LENG8: variants seen among roughly 807,000 people sequenced by gnomAD.
The protein encoded by LENG8 is leukocyte receptor cluster (LRC) member 8.
A neutral mutation model predicts 102.1 loss-of-function variants in LENG8; 28 were observed. The ratio of observed to expected loss-of-function variants is 0.27; its 90% CI spans 0.20 to 0.38. The LOEUF (loss-of-function observed/expected upper bound fraction) is 0.38, where lower values mean the gene tolerates loss of function less well. LENG8 is among the 10% of genes least tolerant of loss of function. The pLI, the probability that LENG8 is intolerant of heterozygous loss-of-function variation, is 1.00. For missense variants in LENG8, 1,022 were observed against 1,113.9 expected (o/e 0.92, Z 1.17); for synonymous variants, 531 against 456.7 (o/e 1.16, Z -2.07).
intron 15 of LENG8, 110 bp from the exon 16 acceptor site, chr19:54,460,656 G>A: frequency 6.9e-7 from 1 of 1,450,706 alleles, no homozygotes; most frequent in Non-Finnish European, 9.1e-7. Flanking sequence ...AGCAGGCACT[G>A]TGCTGAGGAA....
At chr19:54,457,656 T>A in intron 11 of LENG8, 91 bp from the exon 12 acceptor site, 1 of 936,428 alleles carries the variant, frequency 1.1e-6, no homozygotes, top group Middle Eastern at 2.4e-4. Flanking sequence ...TTTCTTTTTT[T>A]AATGTTGCAA....
chr19:54,461,157 G>A lies in LENG8; in HGVS notation c.*229G>A. On this transcript the variant is annotated 3_prime_UTR_variant, in exon 16 of 16. Coordinates refer to ENST00000326764, the MANE Select transcript of LENG8 (RefSeq NM_052925.4). ...GGGATTGGGGAGGAGGGGATGGGCAGCGGAGGGTTGGGGGCATGGTCTGCA... is the reference window on the plus strand; with the variant it reads ...GGGATTGGGGAGGAGGGGATGGGCAACGGAGGGTTGGGGGCATGGTCTGCA... The A allele has an allele frequency of 1.4e-6, 1 of 718,010 alleles. No homozygotes were observed. The highest frequency in any genetic ancestry group is 2.5e-6 in the Non-Finnish European group (1 of 403,616). The allele number at this position is 718,010 out of a possible 1,614,324, so 44.5% of individuals were successfully genotyped here.
rs1186047166 is a variant in LENG8 at position 54,459,503 on chromosome 19, C to T, written c.2240+982C>T. 10 of 984,326 alleles carry T rather than the reference C, an allele frequency of 1.0e-5. No homozygotes were observed. In the African/African-American group the frequency reaches 1.8e-4, roughly 18 times the overall value. 61.0% of individuals were successfully genotyped at this position (984,326 alleles called of 1,614,324 possible). A position where few individuals can be genotyped will look rare whatever the true frequency, so the allele number is the denominator to read the frequency against. ...TGAGGTCATGGTCACAGCATGGAGG[C>T]CTTGAGAGCCTGGCCAGGTGGCCCT... is the stretch of plus-strand genomic sequence containing the variant. On this transcript the variant is annotated intron_variant, in intron 15 of 15. Transcript: ENST00000326764.
At position 54,457,973 on chromosome 19, in the gene LENG8, G is replaced by A. The variant is rs2084338114; in HGVS notation, c.1873G>A (p.Glu625Lys). ...CACCGAGTTCACGGTGGAGGTGTAC[G>A]AGACCCATGCCCGGATCGCCTTGGA... The part of the protein sequence containing the change: ...IRTEFTVEVY[E>K]THARIALEKG... Residue 625 changes from glutamate (E) to lysine (K), a missense_variant, in exon 13 of 16, where the codon GAG becomes AAG. Transcript: ENST00000326764. 1.9e-6 allele frequency: 3 copies of A among 1,613,630 alleles called. No individual in the cohort carries two copies. Among genetic ancestry groups the A allele is most frequent in the African/African-American group, 1.3e-5 (1 of 74,930 alleles).
Position 54,456,261 on chromosome 19 carries a change from G to T in LENG8, c.1304+16G>T. The T allele has an allele frequency of 6.2e-7, 1 of 1,614,100 alleles. No individual in the cohort carries two copies. Among genetic ancestry groups the T allele is most frequent in the Non-Finnish European group, 8.5e-7 (1 of 1,179,986 alleles). On this transcript the variant is annotated intron_variant, in intron 9 of 15. Transcript: ENST00000326764. ...TCCGCAGAAGGTACTGAGGCTCCCGGCTGGGGCTGTGTGTGAGGGAGGGGG... is the reference window on the plus strand; with the variant it reads ...TCCGCAGAAGGTACTGAGGCTCCCGTCTGGGGCTGTGTGTGAGGGAGGGGG...
At chr19:54,459,015 G>A in intron 15 of LENG8, 1 of 1,436,750 alleles carries the variant, frequency 7.0e-7, no homozygotes. Context: ...GCCACACTGG[G>A]CGCGGTGCCA....
intron 15 of LENG8, chr19:54,460,563 G>C: frequency 3.5e-6 from 5 of 1,413,288 alleles, no homozygotes; most frequent in Non-Finnish European, 4.6e-6. Context: ...GGTGAGGGGG[G>C]CACAGGGGAC....
At chr19:54,454,378 T>C (rs2084107791) in intron 5 of LENG8, 52 bp from the exon 6 acceptor site, 1 of 1,533,032 alleles carries the variant, frequency 6.5e-7, no homozygotes, top group Admixed American at 2.0e-5. Context: ...TGAGTGCCAC[T>C]CGCCAGCCCC....
chr19:54,451,092 A>G (rs2083941076), intron 1 of LENG8, among the ~76,000 whole-genome samples, 198 bp from the exon 2 acceptor site: 1 of 152,016 alleles, frequency 6.6e-6, no homozygotes, highest in African/African-American at 2.4e-5. Context: ...GAGCTCTACA[A>G]AGGGGCCAGG....
In LENG8 at chr19:54,461,123, C is replaced by T. The variant is rs1569311230; in HGVS notation, c.*195C>T. ...TTTTCTACGTTTTTATTTTTTGCCT[C>T]AGAGGGATGGGATTGGGGAGGAGGG... On this transcript the variant is annotated 3_prime_UTR_variant, in exon 16 of 16. Coordinates refer to ENST00000326764, the MANE Select transcript of LENG8 (RefSeq NM_052925.4). 5.7e-6 allele frequency: 5 copies of T among 874,602 alleles called. No individual in the cohort carries two copies. Among genetic ancestry groups the T allele is most frequent in the Non-Finnish European group, 9.1e-6 (5 of 551,422 alleles). 54.2% of individuals were successfully genotyped at this position (874,602 alleles called of 1,614,324 possible).
rs1415656662 is a variant in LENG8 at position 54,461,741 on chromosome 19, CTT to C, written c.*816_*817del. ...ACCAGCTCACGTCATGTTGCCTTCT[CTT>C]TTCTTTGTGTGTGTGTTTATTTAAG... On this transcript the variant is annotated 3_prime_UTR_variant, in exon 16 of 16. Coordinates refer to ENST00000326764, the MANE Select transcript of LENG8 (RefSeq NM_052925.4). 1 of 522,018 alleles carries C rather than the reference CTT, an allele frequency of 1.9e-6. No homozygotes were observed. Among genetic ancestry groups the C allele is most frequent in the Non-Finnish European group, 3.8e-6 (1 of 261,314 alleles). The allele number at this position is 522,018 out of a possible 1,614,324, so 32.3% of individuals were successfully genotyped here.
intron 3 of LENG8, 61 bp from the exon 4 acceptor site, chr19:54,452,590 T>G: frequency 2.2e-6 from 3 of 1,367,078 alleles, no homozygotes; most frequent in Non-Finnish European, 3.1e-6. Context: ...GGCTTGCCCT[T>G]TGGGGGCCGT....
intron 6 of LENG8, 127 bp from the exon 7 acceptor site, chr19:54,454,824 A>T: frequency 7.0e-7 from 1 of 1,436,284 alleles, no homozygotes; most frequent in Non-Finnish European, 9.5e-7. Context: ...TGGACCAGGC[A>T]CATGTGTGCT....
In LENG8 at chr19:54,455,702, G is replaced by T. The variant is rs1357074603; in HGVS notation, c.1025+135G>T. On this transcript the variant is annotated intron_variant, in intron 8 of 15. Transcript: ENST00000326764. Reference sequence around the variant, plus strand: ...ATGAACTGGAAAGTTGGATCCTGGGGGGATGAAGTCCTGGTTGGAGGGAGG... The same window carrying T: ...ATGAACTGGAAAGTTGGATCCTGGGTGGATGAAGTCCTGGTTGGAGGGAGG... The T allele has an allele frequency of 7.5e-6, 7 of 932,696 alleles. No individual in the cohort carries two copies. The South Asian group carries it at 1.1e-4, about 15-fold the overall frequency. 57.8% of individuals were successfully genotyped at this position (932,696 alleles called of 1,614,324 possible).
intron 1 of LENG8, chr19:54,449,551 C>CGGGGCCCCGG (rs1555978939): frequency 6.6e-6 from 1 of 152,128 alleles, no homozygotes; most frequent in Non-Finnish European, 1.5e-5. Context: ...TTGGAGTTCT[C>CGGGGCCCCGG]GGGGCCCCGG....
intron 4 of LENG8, among the ~76,000 whole-genome samples, chr19:54,453,081 T>C (rs906612581): frequency 6.6e-6 from 1 of 152,320 alleles, no homozygotes; most frequent in African/African-American, 2.4e-5. Context: ...TGCCGCCTCT[T>C]GGAGGTCTCT....
At chr19:54,456,615 C>T (rs1228140461) in intron 10 of LENG8, 21 bp from the exon 11 acceptor site, 6 of 1,597,942 alleles carry the variant, frequency 3.8e-6, no homozygotes, top group South Asian at 1.1e-5. Flanking sequence ...GTCGCGCTCA[C>T]TGCCCCTCAT....
At chr19:54,452,416 T>A in intron 3 of LENG8, 149 bp downstream of exon 3, 1 of 828,386 alleles carries the variant, frequency 1.2e-6, no homozygotes, top group East Asian at 2.7e-5. Context: ...CGGGAAAAAG[T>A]TCTGTTTCCT....
rs1367228683 is a variant in LENG8, at chr19:54,457,791, G to A, written c.1776G>A (p.Glu592=). 1.2e-6 allele frequency: 2 copies of A among 1,614,068 alleles called. No homozygotes were observed. The highest frequency in any genetic ancestry group is 1.3e-5 in the African/African-American group (1 of 74,936). ...GCATGGTCAAGTGCCACTGGAAAGA[G>A]AAGCAGGACTACGCGTTTGCCTGCG... is the stretch of plus-strand genomic sequence containing the variant. ...SLCMVKCHWK[E]KQDYAFACEQ... Residue 592 remains glutamate, a synonymous_variant, in exon 12 of 16, where the codon GAG becomes GAA. Transcript: ENST00000326764.
Sources: allele counts gnomAD v4.1 joint callset (sites outside exome capture counted in the v4.1 genomes callset), GRCh38; gene constraint gnomAD v4.1.1; transcripts MANE v1.5; gene names NCBI Gene and HGNC (gene_info 2026-07-23, HGNC 2026-07-21).